The following SASH1 variants were observed in gnomAD, a reference collection of about 807,000 sequenced individuals.
The protein encoded by SASH1 is SAM and SH3 domain-containing protein 1.
In SASH1, 44 loss-of-function variants were observed where a neutral mutation model predicts 125.2. That is an observed-to-expected ratio of 0.35 (90% CI 0.28 to 0.45). SASH1 has a LOEUF of 0.45. SASH1 is among the 20% of genes least tolerant of loss of function. The pLI is 1.00. For synonymous variants in SASH1, 639 were observed against 649.1 expected (o/e 0.98, Z 0.24); for missense variants, 1,426 against 1,614.5 (o/e 0.88, Z 2.00).
intron 1 of SASH1, among the ~76,000 whole-genome samples, chr6:148,381,505 G>A (rs1398128532): frequency 1.3e-5 from 2 of 152,064 alleles, no homozygotes; most frequent in Admixed American, 6.6e-5. Context: ...TGAGGAGGAG[G>A]GGTGGATGGT....
chr6:148,375,755 T>A (rs1782866521), intron 1 of SASH1, among the ~76,000 whole-genome samples: 1 of 152,200 alleles, frequency 6.6e-6, no homozygotes. Context: ...ACAAGAAAAG[T>A]TCCTTTGTAG....
chr6:148,327,752 C>T (rs1460185551), intron 1 of SASH1, among the ~76,000 whole-genome samples: 4 of 150,306 alleles, frequency 2.7e-5, no homozygotes, highest in African/African-American at 9.7e-5. Context: ...ACCAGCCTGG[C>T]CAACATGGCA....
In SASH1 at chr6:148,291,082, C is replaced by T. The variant is rs1779621433; in HGVS notation, n.74+18705C>T. Among the ~76,000 whole-genome samples, 4 of 151,454 alleles carry T rather than the reference C, an allele frequency of 2.6e-5. No homozygotes were observed. The South Asian group carries it at 8.3e-4, about 31-fold the overall frequency. On this transcript the variant is annotated intron_variant and non_coding_transcript_variant, in intron 1 of 3. Transcript: ENST00000367469. Reference sequence around the variant, plus strand: ...GGTGCAAATCATGGCTCACTGCAGCCTCAACTGCCCCTGCTCAAGCGATCC... The same window carrying T: ...GGTGCAAATCATGGCTCACTGCAGCTTCAACTGCCCCTGCTCAAGCGATCC...
At chr6:148,287,790 T>C (rs1486874879) in intron 1 of SASH1, among the ~76,000 whole-genome samples, 4 of 152,302 alleles carry the variant, frequency 2.6e-5, no homozygotes, top group East Asian at 3.9e-4. Flanking sequence ...CACATTCCCT[T>C]TGATGAAGCT....
chr6:148,538,253 G>A (rs1010894722), intron 16 of SASH1, among the ~76,000 whole-genome samples: 9 of 152,190 alleles, frequency 5.9e-5, no homozygotes, highest in African/African-American at 2.2e-4. Context: ...CCATGCTGCA[G>A]TAGGAGCAGG....
chr6:148,486,919 T>C (rs2115198288), intron 7 of SASH1, among the ~76,000 whole-genome samples: 1 of 99,766 alleles, frequency 1.0e-5, no homozygotes, highest in Non-Finnish European at 2.0e-5. Flanking sequence ...AGAGACCCTG[T>C]CTCAACAACA....
the SASH1 span, among the ~76,000 whole-genome samples, chr6:148,245,725 T>C: frequency 9.9e-5 from 15 of 152,058 alleles, no homozygotes; most frequent in Non-Finnish European, 2.1e-4. Context: ...CGGTGGCTCG[T>C]GGCTGTAATC....
rs1020135773 is a variant in SASH1, at chr6:148,532,421, C to T, written c.1565-376C>T. Among the ~76,000 whole-genome samples the T allele has an allele frequency of 1.3e-5, 2 of 152,256 alleles. No individual in the cohort carries two copies. Among genetic ancestry groups the T allele is most frequent in the Admixed American group, 6.5e-5 (1 of 15,290 alleles). On this transcript the variant is annotated intron_variant, in intron 13 of 19. Transcript: ENST00000367467. The surrounding 1 kb of genome is among the most constrained non-coding windows in gnomAD (Gnocchi z 4.7). ...CTTTCTTACCCTTTTGGGCAAATGA[C>T]ATGACTGCTCTGAATTTGTTTCCTC...
intron 2 of SASH1, among the ~76,000 whole-genome samples, chr6:148,397,692 C>G (rs1031470873): frequency 6.6e-6 from 1 of 152,164 alleles, no homozygotes; most frequent in African/African-American, 2.4e-5. Flanking sequence ...GTTTTGGTCA[C>G]TACTGTACCC....
intron 1 of SASH1, among the ~76,000 whole-genome samples, chr6:148,322,362 AAAT>A (rs1780655091): frequency 6.6e-6 from 1 of 152,118 alleles, no homozygotes; most frequent in Non-Finnish European, 1.5e-5. Context: ...AAATAAAATA[AAAT>A]AATAAAATAA....
chr6:148,430,578 C>T (rs1035146731), intron 2 of SASH1, among the ~76,000 whole-genome samples: 3 of 152,078 alleles, frequency 2.0e-5, no homozygotes, highest in Non-Finnish European at 4.4e-5. Flanking sequence ...GCGATCCACC[C>T]GCCTTGGCCT....
At chr6:148,212,497 G>A in the SASH1 span, among the ~76,000 whole-genome samples, 29 of 152,276 alleles carry the variant, frequency 1.9e-4, no homozygotes, top group Admixed American at 7.8e-4. Context: ...ATTTTTAGTG[G>A]CAAAACCAGT....
chr6:148,239,618 A>T, the SASH1 span, among the ~76,000 whole-genome samples: 3 of 152,054 alleles, frequency 2.0e-5, no homozygotes, highest in Non-Finnish European at 4.4e-5. Context: ...ACTGTGCGCG[A>T]ATCATTGTCT....
the SASH1 span, among the ~76,000 whole-genome samples, chr6:148,233,549 A>T: frequency 6.6e-6 from 1 of 152,044 alleles, no homozygotes; most frequent in African/African-American, 2.4e-5. Flanking sequence ...CATGGTGCTT[A>T]CAGAGAAGAG....
intron 1 of SASH1, among the ~76,000 whole-genome samples, chr6:148,337,815 T>A (rs1781205342): frequency 6.6e-6 from 1 of 152,254 alleles, no homozygotes; most frequent in Non-Finnish European, 1.5e-5. Context: ...TCAACATTCT[T>A]AATGAATGCA....
the SASH1 span, among the ~76,000 whole-genome samples, chr6:148,255,610 C>G: frequency 6.6e-6 from 1 of 152,042 alleles, no homozygotes; most frequent in Non-Finnish European, 1.5e-5. Context: ...AGGTCTGAGG[C>G]TTGAAAGAAT....
In SASH1 at chr6:148,298,705, GGAAGGAA is replaced by G. The variant is rs1298915071; in HGVS notation, n.74+26337_74+26343del. ...AGGAAGGAAGGAAGGAAGGAAGGAA[GGAAGGAA>G]GAAGGAAGGGAAAGGAGGGAGGGAG... On this transcript the variant is annotated intron_variant and non_coding_transcript_variant, in intron 1 of 3. Transcript: ENST00000367469. Among the ~76,000 whole-genome samples, 616 of 78,954 alleles carry G rather than the reference GGAAGGAA, an allele frequency of 7.8e-3. 17 individuals are homozygous for G. The highest frequency in any genetic ancestry group is 0.022 in the African/African-American group (427 of 19,326). 51.8% of individuals were successfully genotyped at this position (78,954 alleles called of 152,430 possible). A position where few individuals can be genotyped will look rare whatever the true frequency, so the allele number is the denominator to read the frequency against.
chr6:148,301,635 G>A (rs950222723), intron 1 of SASH1, among the ~76,000 whole-genome samples: 9 of 151,668 alleles, frequency 5.9e-5, no homozygotes, highest in African/African-American at 2.2e-4. Flanking sequence ...CTGGAGTGCA[G>A]TGTTGTGATC....
the SASH1 span, among the ~76,000 whole-genome samples, chr6:148,247,246 G>T: frequency 6.6e-6 from 1 of 152,304 alleles, no homozygotes; most frequent in Admixed American, 6.5e-5. Context: ...AACTGCCCAA[G>T]AAATGAGATC....
Sources: gnomAD v4.1 joint callset for allele counts (sites outside exome capture counted in the v4.1 genomes callset) on GRCh38, gnomAD v4.1.1 for gene constraint, Gnocchi (gnomAD v3.1) non-coding constraint, MANE v1.5 for transcripts, NCBI Gene and HGNC (gene_info 2026-07-23, HGNC 2026-07-21) for gene names.